Variants in TMEM65 observed in about 807,000 individuals in gnomAD.
TMEM65 encodes transmembrane protein 65.
TMEM65 carries 22 observed loss-of-function variants against 25.4 expected under a neutral mutation model. That is an observed-to-expected ratio of 0.86 (90% CI 0.62 to 1.23). The LOEUF (loss-of-function observed/expected upper bound fraction) is 1.23. Among genes scored for constraint, TMEM65 ranks in the 50% most tolerant of loss-of-function variants. The pLI, the probability that TMEM65 is intolerant of heterozygous loss-of-function variation, is 0.00. For missense variants in TMEM65, 262 were observed against 308.2 expected (o/e 0.85, Z 1.12); for synonymous variants, 132 against 126.2 (o/e 1.05, Z -0.31).
chr8:124,317,008 C>T (rs1198621932), intron 6 of TMEM65, among the ~76,000 whole-genome samples: 1 of 152,114 alleles, frequency 6.6e-6, no homozygotes, highest in Non-Finnish European at 1.5e-5. Context: ...GCAAACACTT[C>T]CCTGGTATAG....
chr8:124,320,313 TC>T (rs1814288620), intron 5 of TMEM65, 122 bp from the exon 6 acceptor site: 6 of 589,096 alleles, frequency 1.0e-5, no homozygotes, highest in Non-Finnish European at 1.4e-5. Flanking sequence ...CATGCAAATG[TC>T]CTCATATAGT....
chr8:124,325,336 C>T (rs992925705), intron 3 of TMEM65, among the ~76,000 whole-genome samples: 3 of 151,820 alleles, frequency 2.0e-5, no homozygotes, highest in African/African-American at 7.3e-5. Flanking sequence ...TCACTTATTT[C>T]CCCTTTCATA....
intron 3 of TMEM65, among the ~76,000 whole-genome samples, chr8:124,326,209 T>A (rs1257665591): frequency 6.6e-6 from 1 of 152,066 alleles, no homozygotes; most frequent in Admixed American, 6.6e-5. Flanking sequence ...ACTCATAAAC[T>A]GGTATTCAAA....
chr8:124,351,164 A>G (rs905194822), intron 1 of TMEM65: 2 of 925,150 alleles, frequency 2.2e-6, no homozygotes, highest in East Asian at 1.2e-4. Flanking sequence ...AACAAAATAA[A>G]TAATATATAT....
intron 1 of TMEM65, among the ~76,000 whole-genome samples, chr8:124,356,753 G>A (rs1193295436): frequency 6.6e-6 from 1 of 152,018 alleles, no homozygotes; most frequent in Non-Finnish European, 1.5e-5. Flanking sequence ...TGTCACACAG[G>A]CTGGAGTGTA....
At chr8:124,324,556 C>CAT (rs1308050994) in intron 3 of TMEM65, among the ~76,000 whole-genome samples, 1 of 152,022 alleles carries the variant, frequency 6.6e-6, no homozygotes, top group Middle Eastern at 3.2e-3. Context: ...TGCAAAAAAA[C>CAT]TGGAGCACCA....
chr8:124,361,283 A>C (rs900055863), intron 1 of TMEM65, among the ~76,000 whole-genome samples: 2 of 151,872 alleles, frequency 1.3e-5, no homozygotes, highest in African/African-American at 4.8e-5. Flanking sequence ...AAAATACAAA[A>C]AATAAGCTGG....
chr8:124,363,324 C>T (rs1222027258), intron 1 of TMEM65, among the ~76,000 whole-genome samples: 1 of 152,068 alleles, frequency 6.6e-6, no homozygotes, highest in Non-Finnish European at 1.5e-5. Flanking sequence ...ATTGTATAAG[C>T]CTCCTAAAAT....
At chr8:124,335,019 A>G (rs1019751623) in intron 1 of TMEM65, among the ~76,000 whole-genome samples, 1 of 152,098 alleles carries the variant, frequency 6.6e-6, no homozygotes, top group Non-Finnish European at 1.5e-5. Context: ...AAGTAGAGAA[A>G]CTAGGAACAA....
chr8:124,316,614 C>T (rs1319416024), intron 6 of TMEM65, among the ~76,000 whole-genome samples: 1 of 152,140 alleles, frequency 6.6e-6, no homozygotes, highest in Non-Finnish European at 1.5e-5. Context: ...CACACACACA[C>T]TCAATATAGT....
chr8:124,336,442 T>C (rs553735150), intron 1 of TMEM65, among the ~76,000 whole-genome samples: 1 of 152,094 alleles, frequency 6.6e-6, no homozygotes, highest in South Asian at 2.1e-4. Flanking sequence ...TTCCTCAAAA[T>C]AGAACATATG....
intron 1 of TMEM65, among the ~76,000 whole-genome samples, chr8:124,334,188 A>C (rs186229609): frequency 4.1e-4 from 62 of 152,330 alleles, no homozygotes; most frequent in Non-Finnish European, 7.8e-4. Flanking sequence ...CAATGTAGCA[A>C]TTACAGGAAT....
intron 1 of TMEM65, among the ~76,000 whole-genome samples, chr8:124,362,592 G>T (rs1814882029): frequency 7.0e-6 from 1 of 141,918 alleles, no homozygotes; most frequent in African/African-American, 2.6e-5. Flanking sequence ...AGCCCAGGAG[G>T]TGGAGGTTGC....
rs1261637708 is a variant in TMEM65, at chr8:124,327,391, C to A, written c.380G>T (p.Gly127Val). 2 of 1,601,264 alleles carry A rather than the reference C, an allele frequency of 1.2e-6. No individual in the cohort carries two copies. The highest frequency in any genetic ancestry group is 2.3e-5 in the South Asian group (2 of 88,206). ...VFIHNAIPFI[G>V]FGFLDNAIMI... ...AATTGCATTATCCAAAAAGCCAAACCCTATGAAAGGTATCGCATTGTGGAT... is the reference window on the plus strand; with the variant it reads ...AATTGCATTATCCAAAAAGCCAAACACTATGAAAGGTATCGCATTGTGGAT... The change falls in exon 3 of 7, where the codon GGG becomes GTG. Residue 127 changes from glycine to valine, a missense_variant. Transcript: ENST00000297632.
intron 1 of TMEM65, among the ~76,000 whole-genome samples, chr8:124,332,511 C>T (rs1246335472): frequency 6.6e-6 from 1 of 152,000 alleles, no homozygotes; most frequent in East Asian, 1.9e-4. Context: ...AAGTAAAAAA[C>T]GTGTAGTAAT....
intron 1 of TMEM65, among the ~76,000 whole-genome samples, chr8:124,350,449 ACTCT>A (rs1023524627): frequency 8.0e-5 from 11 of 136,914 alleles, no homozygotes; most frequent in Non-Finnish European, 1.4e-4. Context: ...ATACCCCTAC[ACTCT>A]CTCTCTTTCC....
At chr8:124,341,236 G>A (rs1241168154) in intron 1 of TMEM65, among the ~76,000 whole-genome samples, 1 of 152,004 alleles carries the variant, frequency 6.6e-6, no homozygotes, top group Admixed American at 6.6e-5. Flanking sequence ...AAAGTAGAAT[G>A]ACTGGTCATC....
intron 1 of TMEM65, among the ~76,000 whole-genome samples, chr8:124,368,939 A>G (rs1031969483): frequency 1.3e-5 from 2 of 152,220 alleles, no homozygotes; most frequent in Non-Finnish European, 2.9e-5. Context: ...AGCACTGTCT[A>G]TTTTTCAATA....
intron 1 of TMEM65, among the ~76,000 whole-genome samples, chr8:124,347,385 A>G (rs1340383814): frequency 6.6e-6 from 1 of 152,210 alleles, no homozygotes; most frequent in Non-Finnish European, 1.5e-5. Flanking sequence ...AGAAATTTCT[A>G]CTTATATCTT....
Sources: allele counts gnomAD v4.1 joint callset (sites outside exome capture counted in the v4.1 genomes callset), GRCh38; gene constraint gnomAD v4.1.1; transcripts MANE v1.5; gene names NCBI Gene and HGNC (gene_info 2026-07-23, HGNC 2026-07-21).